Variants in GRM5 observed in about 807,000 individuals in gnomAD.
The protein encoded by GRM5 is glutamate metabotropic receptor 5.
In GRM5, 19 loss-of-function variants were observed where a neutral mutation model predicts 83.1. The ratio of observed to expected loss-of-function variants is 0.23; its 90% confidence interval spans 0.16 to 0.34. GRM5 has a LOEUF of 0.34. GRM5 is among the 10% of genes least tolerant of loss of function. GRM5 has a pLI of 1.00. For synonymous variants in GRM5, 675 were observed against 633.6 expected (o/e 1.07, Z -0.98); for missense variants, 1,160 against 1,588.3 (o/e 0.73, Z 4.58).
chr11:88,898,069 G>A (rs545448049), intron 2 of GRM5, among the ~76,000 whole-genome samples: 68 of 151,970 alleles, frequency 4.5e-4, no homozygotes, highest in Non-Finnish European at 7.7e-4. Context: ...AAACTTGTAG[G>A]GAAATTCTTC....
At chr11:88,655,767 G>C (rs1287490501) in intron 3 of GRM5, among the ~76,000 whole-genome samples, 2 of 151,514 alleles carry the variant, frequency 1.3e-5, no homozygotes, top group Non-Finnish European at 2.9e-5. Context: ...AGAGTTGTGA[G>C]TTTAAAATAA....
At chr11:88,739,194 C>A (rs1941979496) in intron 3 of GRM5, among the ~76,000 whole-genome samples, 1 of 152,016 alleles carries the variant, frequency 6.6e-6, no homozygotes, top group South Asian at 2.1e-4. Context: ...CTCTCCTTGG[C>A]ATATGGTAAA....
intron 2 of GRM5, among the ~76,000 whole-genome samples, chr11:88,994,448 TATATA>T (rs1940102592): frequency 1.2e-4 from 2 of 17,162 alleles, no homozygotes; most frequent in South Asian, 2.0e-3. Context: ...TAACTGATTA[TATATA>T]TATATATATA....
intron 2 of GRM5, among the ~76,000 whole-genome samples, chr11:89,001,458 C>G (rs1256479492): frequency 6.6e-6 from 1 of 152,042 alleles, no homozygotes; most frequent in Non-Finnish European, 1.5e-5. Context: ...CCCGGAAAGT[C>G]ATATTTGTAT....
rs147472716 is a variant in GRM5 at position 88,604,924 on chromosome 11, T to C, written c.1188A>G (p.Lys396=). The change falls in exon 5 of 10, where the codon AAA becomes AAG. Residue 396 remains lysine (K), a synonymous_variant. Coordinates refer to ENST00000305447, the MANE Select transcript of GRM5 (RefSeq NM_001143831.3). ...AGATGGCGTTGATCACAAATCCCATTTTGGAATCCTGAACATGATGTGTTT... is the reference window on the plus strand; with the variant it reads ...AGATGGCGTTGATCACAAATCCCATCTTGGAATCCTGAACATGATGTGTTT... ...TLKTHHVQDS[K]MGFVINAIYS... The C allele has an allele frequency of 5.3e-4, 852 of 1,612,978 alleles. 5 individuals carry two copies. In the African/African-American group the frequency reaches 0.011, roughly 20 times the overall value.
intron 3 of GRM5, 48 bp downstream of exon 3, chr11:88,849,858 C>T: frequency 1.3e-6 from 2 of 1,585,128 alleles, no homozygotes; most frequent in South Asian, 1.1e-5. Context: ...TTCAGTGCTG[C>T]CAAATTCCTG....
intron 3 of GRM5, among the ~76,000 whole-genome samples, chr11:88,733,391 A>G (rs1048263070): frequency 7.2e-5 from 11 of 152,054 alleles, no homozygotes; most frequent in Admixed American, 2.0e-4. Context: ...TCAAGTTTAT[A>G]TATATACATG....
At chr11:88,866,354 G>A (rs1345493556) in intron 2 of GRM5, among the ~76,000 whole-genome samples, 1 of 152,004 alleles carries the variant, frequency 6.6e-6, no homozygotes, top group Admixed American at 6.6e-5. Context: ...GTTGAACAAT[G>A]AGAACACATA....
chr11:88,749,886 C>G (rs187003742), intron 3 of GRM5, among the ~76,000 whole-genome samples: 1 of 152,128 alleles, frequency 6.6e-6, no homozygotes, highest in East Asian at 1.9e-4. Context: ...CAAGCAAATG[C>G]TGAGGGAATT....
At chr11:88,795,708 A>G (rs1378517797) in intron 3 of GRM5, among the ~76,000 whole-genome samples, 2 of 152,178 alleles carry the variant, frequency 1.3e-5, no homozygotes, top group Non-Finnish European at 2.9e-5. Context: ...AAGAGGCTGT[A>G]TAATTTGCCA....
intron 2 of GRM5, among the ~76,000 whole-genome samples, chr11:88,891,029 T>C (rs1471723318): frequency 1.3e-5 from 2 of 152,122 alleles, no homozygotes; most frequent in African/African-American, 2.4e-5. Flanking sequence ...TGTGGAAAGA[T>C]GGTCTTTTCA....
At chr11:88,718,791 C>T (rs1338796569) in intron 3 of GRM5, among the ~76,000 whole-genome samples, 1 of 151,886 alleles carries the variant, frequency 6.6e-6, no homozygotes, top group Admixed American at 6.6e-5. Context: ...TCTAAATCAC[C>T]TTTATAGACT....
intron 2 of GRM5, among the ~76,000 whole-genome samples, chr11:88,993,196 G>T (rs1227289829): frequency 6.8e-6 from 1 of 146,440 alleles, no homozygotes; most frequent in African/African-American, 2.5e-5. Flanking sequence ...AGTCCAGGAG[G>T]CAGAGCTTGC....
At position 88,567,534 on chromosome 11, in the gene GRM5, G is replaced by C; in HGVS notation, c.2149C>G (p.Pro717Ala). 6.2e-7 allele frequency: 1 copy of C among 1,613,838 alleles called. No individual in the cohort carries two copies. Among genetic ancestry groups the C allele is most frequent in the South Asian group, 1.1e-5 (1 of 91,072 alleles). The change falls in exon 8 of 10, where the codon CCT (proline) becomes GCT (alanine). Residue 717 changes from proline to alanine, a missense_variant. Physicochemically the swap from Pro to Ala is conservative, Grantham distance 27. Coordinates refer to ENST00000305447, the MANE Select transcript of GRM5 (RefSeq NM_001143831.3). The surrounding 1 kb of genome is among the most constrained non-coding windows in gnomAD (Gnocchi z 7.3). The stretch of plus-strand genomic sequence containing the variant: ...CTTGGGTAGTCATGCATTATGTCAG[G>C]AGGCTCCATTATAAAGAGGGCAACG... Reference protein sequence around the residue: ...IIVALFIMEPPDIMHDYPSIR... With the variant: ...IIVALFIMEPADIMHDYPSIR...
intron 3 of GRM5, among the ~76,000 whole-genome samples, chr11:88,715,141 C>G (rs1327206368): frequency 3.9e-5 from 6 of 152,060 alleles, no homozygotes; most frequent in Middle Eastern, 3.4e-3. Context: ...AAAAGCATTA[C>G]TAGGGCAGTG....
At chr11:89,046,238 T>G (rs1200906978) in intron 2 of GRM5, among the ~76,000 whole-genome samples, 1 of 152,196 alleles carries the variant, frequency 6.6e-6, no homozygotes, top group Non-Finnish European at 1.5e-5. Context: ...ATTCCACATT[T>G]TACCAGACCG....
At chr11:88,603,904 GCTAGAAGGGCA>G (rs1163133618) in intron 5 of GRM5, among the ~76,000 whole-genome samples, 1 of 152,174 alleles carries the variant, frequency 6.6e-6, no homozygotes, top group East Asian at 1.9e-4. Flanking sequence ...ATGAGCTATT[GCTAGAAGGGCA>G]CTGAGAGACC....
chr11:88,919,257 TCGG>T (rs1565291823), intron 2 of GRM5, among the ~76,000 whole-genome samples: 185 of 95,960 alleles, frequency 1.9e-3, no homozygotes, highest in Non-Finnish European at 3.4e-3. Flanking sequence ...TATATATATA[TCGG>T]ATAAAATAGA....
chr11:89,035,149 T>G (rs1941355181), intron 2 of GRM5, among the ~76,000 whole-genome samples: 1 of 151,718 alleles, frequency 6.6e-6, no homozygotes, highest in Non-Finnish European at 1.5e-5. Context: ...GAGAGTATAA[T>G]ATTTCTGTCT....
Sources: allele counts gnomAD v4.1 joint callset (sites outside exome capture counted in the v4.1 genomes callset), GRCh38; gene constraint gnomAD v4.1.1; non-coding constraint Gnocchi (gnomAD v3.1); transcripts MANE v1.5; gene names NCBI Gene and HGNC (gene_info 2026-07-23, HGNC 2026-07-21).